SVEP1: variants seen among roughly 807,000 people sequenced by gnomAD.
SVEP1 encodes the protein sushi, von Willebrand factor type A, EGF and pentraxin domain containing 1.
Under a neutral mutation model 367.3 loss-of-function variants are expected in SVEP1, and 164 were observed. The observed-to-expected ratio is 0.45, with a 90% CI of 0.39 to 0.51. SVEP1 has a LOEUF of 0.51. Ranked by LOEUF, SVEP1 falls within the 20% of genes least tolerant of loss-of-function variation. The probability of loss-of-function intolerance (pLI) is 0.00; values close to 1 mark genes in which losing one functional copy is unlikely to be tolerated. For missense variants in SVEP1, 4,117 were observed against 4,425.3 expected, an observed-to-expected ratio of 0.93 and a Z score of 1.98; for synonymous variants, 1,666 against 1,611.6, an observed-to-expected ratio of 1.03 and a Z score of -0.81.
chr9:110,447,986 A>ATATG (rs1410457570), intron 24 of SVEP1, among the ~76,000 whole-genome samples: 1 of 152,374 alleles, frequency 6.6e-6, no homozygotes, highest in Admixed American at 6.5e-5. Flanking sequence ...TGCAAAAAGA[A>ATATG]TATGTATGTT....
intron 45 of SVEP1, among the ~76,000 whole-genome samples, chr9:110,375,694 A>G (rs563937798): frequency 6.2e-4 from 94 of 152,248 alleles, no homozygotes; most frequent in African/African-American, 2.2e-3. Context: ...AATGACTTTA[A>G]GGCCAAATCC....
At chr9:110,426,110 A>G (rs924840539) in intron 36 of SVEP1, among the ~76,000 whole-genome samples, 5 of 152,202 alleles carry the variant, frequency 3.3e-5, no homozygotes, top group African/African-American at 1.2e-4. Context: ...CAGGGGATAG[A>G]TGGGACAATC....
At chr9:110,446,476 C>G (rs555282230) in intron 25 of SVEP1, among the ~76,000 whole-genome samples, 1 of 152,322 alleles carries the variant, frequency 6.6e-6, no homozygotes, top group East Asian at 1.9e-4. Flanking sequence ...TTCAGCTCTG[C>G]CCCAAACCTG....
At chr9:110,457,975 C>A in intron 20 of SVEP1, 1 of 327,926 alleles carries the variant, frequency 3.0e-6, no homozygotes, top group Non-Finnish European at 5.8e-6. Context: ...AACAACTAGT[C>A]TTGTAAAAAA....
chr9:110,369,854 C>G, intron 47 of SVEP1, 69 bp downstream of exon 47: 1 of 1,346,962 alleles, frequency 7.4e-7, no homozygotes, highest in Non-Finnish European at 1.0e-6. Context: ...ACTTCTGGCT[C>G]TTAGGACAAT....
chr9:110,438,045 G>A (rs923041506), intron 27 of SVEP1, among the ~76,000 whole-genome samples: 9 of 151,948 alleles, frequency 5.9e-5, no homozygotes, highest in African/African-American at 1.9e-4. Flanking sequence ...TTTAGTGTAT[G>A]TGTATGTATG....
chr9:110,567,222 T>TTGATCTTGCTTA (rs1830503064), intron 1 of SVEP1, among the ~76,000 whole-genome samples: 2 of 152,174 alleles, frequency 1.3e-5, no homozygotes, highest in African/African-American at 4.8e-5. Context: ...ATGTGATCTT[T>TTGATCTTGCTTA]GTCGTAAGCA....
At chr9:110,443,417 G>T in intron 27 of SVEP1, 128 bp downstream of exon 27, 1 of 868,238 alleles carries the variant, frequency 1.2e-6, no homozygotes. Flanking sequence ...CAGGGAGTAG[G>T]AAATAAGAGA....
rs71373993 is a variant in SVEP1, at chr9:110,375,465, T to TAA, written c.10505-4_10505-3dup. The TAA allele has an allele frequency of 0.018, 10,012 of 553,396 alleles. 244 individuals are homozygous for TAA. The highest frequency in any genetic ancestry group is 0.027 in the South Asian group (1,051 of 38,672). The allele number at this position is 553,396 out of a possible 1,614,324, so 34.3% of individuals were successfully genotyped here. ...TCAGACAGGGAAGAATGCAGATTGCTAAAAAAAAAAAAAAAAAAAAAAAAA... is the reference window on the plus strand; with the variant it reads ...TCAGACAGGGAAGAATGCAGATTGCTAAAAAAAAAAAAAAAAAAAAAAAAAAA... On this transcript the variant is annotated splice_region_variant and splice_polypyrimidine_tract_variant and intron_variant, in intron 45 of 47. Coordinates refer to ENST00000374469, the MANE Select transcript of SVEP1 (RefSeq NM_153366.4).
chr9:110,505,386 C>T (rs1829608347), intron 5 of SVEP1, among the ~76,000 whole-genome samples: 2 of 152,166 alleles, frequency 1.3e-5, no homozygotes, highest in African/African-American at 4.8e-5. Flanking sequence ...CCAGGGTTAT[C>T]CACATGTAGC....
At chr9:110,476,117 A>G in intron 14 of SVEP1, 87 bp downstream of exon 14, 1 of 759,322 alleles carries the variant, frequency 1.3e-6, no homozygotes. Flanking sequence ...ATAGAAGTTA[A>G]TGTTTCTAGT....
In SVEP1 at chr9:110,411,189, C is replaced by A. The variant is rs1287960638; in HGVS notation, c.6522G>T (p.Lys2174Asn). The A allele has an allele frequency of 2.5e-6, 4 of 1,613,912 alleles. No individual in the cohort carries two copies. In the South Asian group the frequency reaches 4.4e-5, roughly 18 times the overall value. Residue 2174 changes from lysine (K) to asparagine (N), a missense_variant, in exon 37 of 48, where the codon AAG becomes AAT. By Grantham distance (94) the Lys-to-Asn change is moderately conservative. Coordinates refer to ENST00000374469, the MANE Select transcript of SVEP1 (RefSeq NM_153366.4). ...TCTTTTCCCCTTTGATGTAGAACCC[C>A]TTGTTGCAGCTGTAAGCCACCATGG... ...FGAMVAYSCN[K>N]GFYIKGEKKS...
At position 110,390,372 on chromosome 9, in the gene SVEP1, T is replaced by TTATATATATAC. The variant is rs1588027727; in HGVS notation, c.9823-786_9823-785insGTATATATATA. 5.0e-3 allele frequency among the ~76,000 whole-genome samples: 364 copies of TTATATATATAC among 72,306 alleles called. 15 individuals carry two copies. The highest frequency in any genetic ancestry group is 7.4e-3 in the Non-Finnish European group (227 of 30,628). 47.4% of individuals were successfully genotyped at this position (72,306 alleles called of 152,430 possible). A position where few individuals can be genotyped will look rare whatever the true frequency, so the allele number is the denominator to read the frequency against. ...ACACTTATATATATATACTTATATC[T>TTATATATATAC]ACTTATATATATATATACTTATATC... On this transcript the variant is annotated intron_variant, in intron 40 of 47. Coordinates refer to ENST00000374469, the MANE Select transcript of SVEP1 (RefSeq NM_153366.4).
At chr9:110,400,074 A>G (rs1827833298) in intron 40 of SVEP1, among the ~76,000 whole-genome samples, 1 of 152,222 alleles carries the variant, frequency 6.6e-6, no homozygotes, top group Non-Finnish European at 1.5e-5. Context: ...AGTTGGTATT[A>G]GTTAAAACTG....
intron 1 of SVEP1, among the ~76,000 whole-genome samples, chr9:110,578,635 G>A (rs936216620): frequency 7.9e-5 from 12 of 152,134 alleles, no homozygotes; most frequent in African/African-American, 2.7e-4. Flanking sequence ...AAGAATTGGG[G>A]TTAGGTTTAT....
At chr9:110,466,795 A>ATAAGAACC (rs1197824401) in intron 17 of SVEP1, among the ~76,000 whole-genome samples, 3 of 150,800 alleles carry the variant, frequency 2.0e-5, no homozygotes, top group East Asian at 3.9e-4. Flanking sequence ...GCTGCTCTAA[A>ATAAGAACC]TAAGAACCGG....
rs1334485976 is a variant in SVEP1, at chr9:110,408,398, C to T, written c.7202G>A (p.Gly2401Glu). The T allele has an allele frequency of 3.1e-6, 5 of 1,613,758 alleles. No individual in the cohort carries two copies. The highest frequency in any genetic ancestry group is 2.7e-5 in the African/African-American group (2 of 74,898). Residue 2401 changes from glycine (G) to glutamate (E), a missense_variant, in exon 38 of 48, where the codon GGA becomes GAA. Transcript: ENST00000374469. The stretch of plus-strand genomic sequence containing the variant: ...TACACAAGAATACTTGACAGTACTT[C>T]CAAAATGAAGAGCAGAAGAAGGAAT... ...VPIPSSALHF[G>E]STVKYSCVGG...
At chr9:110,492,902 C>T (rs754517666) in intron 8 of SVEP1, among the ~76,000 whole-genome samples, 39 of 152,166 alleles carry the variant, frequency 2.6e-4, no homozygotes, top group Non-Finnish European at 3.4e-4. Flanking sequence ...AGTTTAGGGG[C>T]ACATATGAAT....
At chr9:110,530,360 G>T (rs956111319) in intron 3 of SVEP1, among the ~76,000 whole-genome samples, 2 of 152,136 alleles carry the variant, frequency 1.3e-5, no homozygotes, top group African/African-American at 2.4e-5. Flanking sequence ...ACAGAGACAT[G>T]CTTGGTTGGA....
Sources: allele counts gnomAD v4.1 joint callset (sites outside exome capture counted in the v4.1 genomes callset), GRCh38; gene constraint gnomAD v4.1.1; transcripts MANE v1.5; gene names NCBI Gene and HGNC (gene_info 2026-07-23, HGNC 2026-07-21).